The following TMTC2 variants were observed in gnomAD, a reference collection of about 807,000 sequenced individuals.
TMTC2 encodes transmembrane O-mannosyltransferase targeting cadherins 2, also known as protein O-mannosyl-transferase TMTC2.
TMTC2 carries 43 observed loss-of-function variants against 82.4 expected under a neutral mutation model. That is an observed-to-expected ratio of 0.52 (90% confidence interval 0.41 to 0.67). The LOEUF is 0.67. Among genes scored for constraint, TMTC2 ranks in the 30% least tolerant of loss-of-function variants. The pLI, the probability that TMTC2 is intolerant of heterozygous loss-of-function variation, is 0.00. For missense variants in TMTC2, 919 were observed against 1,012.4 expected (o/e 0.91, Z 1.25); for synonymous variants, 408 against 381.9 (o/e 1.07, Z -0.80).
chr12:82,918,384 G>A (rs981111482), intron 3 of TMTC2, among the ~76,000 whole-genome samples: 11 of 152,306 alleles, frequency 7.2e-5, no homozygotes, highest in East Asian at 1.9e-4. Context: ...GTAACTCAGC[G>A]TTGGTGGAAG....
intron 1 of TMTC2, among the ~76,000 whole-genome samples, chr12:82,723,557 A>T (rs189626764): frequency 1.2e-4 from 19 of 152,304 alleles, no homozygotes; most frequent in African/African-American, 4.3e-4. Flanking sequence ...TACACCTCAT[A>T]TACATAGATT....
chr12:82,937,913 T>TA lies in TMTC2; in HGVS notation c.1598+7368_1598+7369insA, dbSNP rs1302171798. On this transcript the variant is annotated intron_variant, in intron 4 of 11. Transcript: ENST00000321196. ...TTGACACCATAGATTCAAACCTTTTTTTTTTTTTATTTTTTTTTTTTGAGA... is the reference window on the plus strand; with the variant it reads ...TTGACACCATAGATTCAAACCTTTTTATTTTTTTTATTTTTTTTTTTTGAGA... 5.2e-4 allele frequency among the ~76,000 whole-genome samples: 17 copies of TA among 32,738 alleles called. No homozygotes were observed. The Admixed American group carries it at 6.2e-3, about 12-fold the overall frequency. The allele number at this position is 32,738 out of a possible 152,430, so 21.5% of individuals were successfully genotyped here. A position where few individuals can be genotyped will look rare whatever the true frequency, so the allele number is the denominator to read the frequency against.
At chr12:82,765,599 A>T (rs1198694112) in intron 1 of TMTC2, among the ~76,000 whole-genome samples, 1 of 152,150 alleles carries the variant, frequency 6.6e-6, no homozygotes, top group African/African-American at 2.4e-5. Flanking sequence ...ACTTGAACCC[A>T]GAAGGCAGAG....
intron 8 of TMTC2, among the ~76,000 whole-genome samples, chr12:82,989,569 C>G (rs900992996): frequency 6.6e-6 from 1 of 151,146 alleles, no homozygotes; most frequent in African/African-American, 2.4e-5. Context: ...TGCACCCCCC[C>G]CAAAAAAAAG....
chr12:82,933,233 T>C, intron 4 of TMTC2, among the ~76,000 whole-genome samples: 1 of 152,196 alleles, frequency 6.6e-6, no homozygotes, highest in East Asian at 1.9e-4. Context: ...AGAATTCTGA[T>C]ATCAATAATT....
At chr12:83,088,133 A>G (rs955989015) in intron 11 of TMTC2, among the ~76,000 whole-genome samples, 5 of 152,188 alleles carry the variant, frequency 3.3e-5, no homozygotes, top group Admixed American at 6.5e-5. Context: ...TATTATAGAG[A>G]TGAACCTTTC....
At chr12:83,122,118 G>T (rs74106069) in intron 11 of TMTC2, among the ~76,000 whole-genome samples, 2,546 of 151,904 alleles carry the variant, frequency 0.017, 79 homozygotes, top group African/African-American at 0.059. Flanking sequence ...CTGTTTCCAG[G>T]CAGTGGCCAA....
intron 1 of TMTC2, among the ~76,000 whole-genome samples, chr12:82,746,527 T>C (rs1358349663): frequency 6.6e-6 from 1 of 152,172 alleles, no homozygotes; most frequent in African/African-American, 2.4e-5. Flanking sequence ...GAACCTTCCT[T>C]TCTCTGCCCC....
intron 1 of TMTC2, among the ~76,000 whole-genome samples, chr12:82,802,098 C>A (rs1333424017): frequency 6.6e-6 from 1 of 152,022 alleles, no homozygotes; most frequent in Admixed American, 6.6e-5. Flanking sequence ...GGGTGGCGTT[C>A]GTGGGGGAGG....
chr12:82,956,251 G>A (rs1625397), intron 4 of TMTC2, among the ~76,000 whole-genome samples: 104,025 of 151,170 alleles, frequency 0.69, 37,309 homozygotes, highest in South Asian at 0.84. Flanking sequence ...TAATGTAAGT[G>A]GTCTAAATGC....
intron 1 of TMTC2, among the ~76,000 whole-genome samples, chr12:82,847,061 C>T (rs1361777632): frequency 2.0e-5 from 3 of 152,132 alleles, no homozygotes; most frequent in Non-Finnish European, 4.4e-5. Flanking sequence ...ATACAGTGCT[C>T]ATCCCCAAAG....
chr12:83,018,023 A>T (rs893494142), intron 8 of TMTC2, among the ~76,000 whole-genome samples: 2 of 71,164 alleles, frequency 2.8e-5, no homozygotes, highest in Non-Finnish European at 7.0e-5. Context: ...ATATATATAT[A>T]GTATATATAT....
intron 11 of TMTC2, among the ~76,000 whole-genome samples, chr12:83,073,367 C>T (rs1883181661): frequency 6.6e-6 from 1 of 152,192 alleles, no homozygotes; most frequent in South Asian, 2.1e-4. Context: ...GATAAGCTTT[C>T]CTTCATAGGT....
chr12:83,009,548 T>C (rs1880359756), intron 8 of TMTC2, among the ~76,000 whole-genome samples: 1 of 151,912 alleles, frequency 6.6e-6, no homozygotes, highest in Admixed American at 6.6e-5. Flanking sequence ...CTCTGATAGA[T>C]CTCAGAAAAA....
intron 3 of TMTC2, among the ~76,000 whole-genome samples, chr12:82,913,640 C>A (rs376053145): frequency 1.3e-5 from 2 of 152,112 alleles, no homozygotes; most frequent in South Asian, 4.2e-4. Context: ...CCTGATTTTT[C>A]CTCTATCTTA....
At chr12:82,747,996 A>G (rs1438062134) in intron 1 of TMTC2, among the ~76,000 whole-genome samples, 1 of 152,244 alleles carries the variant, frequency 6.6e-6, no homozygotes, top group African/African-American at 2.4e-5. Flanking sequence ...TCTAAATTCA[A>G]TCTAATTAAC....
intron 2 of TMTC2, among the ~76,000 whole-genome samples, chr12:82,878,488 A>G (rs1354320186): frequency 6.6e-6 from 1 of 152,222 alleles, no homozygotes; most frequent in Non-Finnish European, 1.5e-5. Context: ...GGAGGTAAAG[A>G]ACATTTAAAA....
At chr12:82,888,307 T>C (rs1316794736) in intron 2 of TMTC2, among the ~76,000 whole-genome samples, 1 of 152,196 alleles carries the variant, frequency 6.6e-6, no homozygotes, top group Non-Finnish European at 1.5e-5. Flanking sequence ...CTCCAGAACA[T>C]ATGCTACTAC....
chr12:82,719,246 A>G (rs1874073735), intron 1 of TMTC2, among the ~76,000 whole-genome samples: 1 of 151,270 alleles, frequency 6.6e-6, no homozygotes, highest in African/African-American at 2.4e-5. Flanking sequence ...GGCGCACACC[A>G]CCACACCCGG....
Sources: gnomAD v4.1 joint callset for allele counts (sites outside exome capture counted in the v4.1 genomes callset) on GRCh38, gnomAD v4.1.1 for gene constraint, MANE v1.5 for transcripts, NCBI Gene and HGNC (gene_info 2026-07-23, HGNC 2026-07-21) for gene names.